ARMC3: variants seen among roughly 807,000 people sequenced by gnomAD.
ARMC3 encodes armadillo repeat-containing protein 3.
ARMC3 carries 74 observed loss-of-function variants against 90.3 expected under a neutral mutation model. The observed-to-expected ratio is 0.82, with a 90% CI of 0.68 to 0.99. ARMC3 has a LOEUF of 0.99. Among genes scored for constraint, ARMC3 ranks in the 50% least tolerant of loss-of-function variants. The probability of loss-of-function intolerance (pLI) is 0.00; values close to 1 mark genes in which losing one functional copy is unlikely to be tolerated. For synonymous variants in ARMC3, 334 were observed against 361.8 expected (o/e 0.92, Z 0.87); for missense variants, 958 against 1,042.8 (o/e 0.92, Z 1.12).
rs756978143 is a variant in ARMC3 at position 23,030,695 on chromosome 10, G to T, written c.2145G>T (p.Trp715Cys). 1.2e-6 allele frequency: 2 copies of T among 1,613,898 alleles called. No individual in the cohort carries two copies. Among genetic ancestry groups the T allele is most frequent in the Non-Finnish European group, 1.7e-6 (2 of 1,179,876 alleles). ...GTGAAGGAAGCTCTGACAAAGAATGGTGTCCTCCCTCTGACCCTGATTTCT... is the reference window on the plus strand; with the variant it reads ...GTGAAGGAAGCTCTGACAAAGAATGTTGTCCTCCCTCTGACCCTGATTTCT... ...FVGEGSSDKE[W>C]CPPSDPDFSM... Residue 715 changes from tryptophan (W) to cysteine (C), a missense_variant, in exon 17 of 19, where the codon TGG becomes TGT. Trp to Cys is a radical substitution (Grantham distance 215). Coordinates refer to ENST00000298032, the MANE Select transcript of ARMC3 (RefSeq NM_173081.5).
intron 13 of ARMC3, among the ~76,000 whole-genome samples, chr10:23,004,955 G>A (rs1837506821): frequency 6.6e-6 from 1 of 151,746 alleles, no homozygotes; most frequent in Non-Finnish European, 1.5e-5. Context: ...GGTGGCTCAC[G>A]CCTGTAATCC....
intron 8 of ARMC3, among the ~76,000 whole-genome samples, chr10:22,975,563 C>G (rs35373354): frequency 0.29 from 43,803 of 151,962 alleles, 7,291 homozygotes; most frequent in African/African-American, 0.45. Context: ...GAAAGTCCAT[C>G]TCAAAAAAAC....
intron 16 of ARMC3, among the ~76,000 whole-genome samples, chr10:23,023,618 A>T (rs79030831): frequency 0.15 from 22,534 of 152,240 alleles, 1,809 homozygotes; most frequent in African/African-American, 0.17. Context: ...AACTGAAAAA[A>T]TAGAAAATTT....
At chr10:23,015,549 C>G (rs1838235775) in intron 16 of ARMC3, among the ~76,000 whole-genome samples, 1 of 147,738 alleles carries the variant, frequency 6.8e-6, no homozygotes, top group African/African-American at 2.5e-5. Context: ...TTATTACACA[C>G]ATTTAAAAGT....
chr10:22,958,337 A>G (rs1835039107), intron 4 of ARMC3, among the ~76,000 whole-genome samples: 1 of 152,210 alleles, frequency 6.6e-6, no homozygotes, highest in African/African-American at 2.4e-5. Context: ...AGCAATCAAG[A>G]TGTATTAATT....
At chr10:22,986,108 A>ACCC (rs1836414109) in intron 10 of ARMC3, among the ~76,000 whole-genome samples, 1 of 110,836 alleles carries the variant, frequency 9.0e-6, no homozygotes, top group African/African-American at 3.5e-5. Flanking sequence ...CCTGCACTGC[A>ACCC]CGCCCCCCCC....
In ARMC3 at chr10:22,998,286, C is replaced by A; in HGVS notation, c.1314C>A (p.His438Gln). ...QEPLRLNIQNHDIMHAIISPL... is the reference protein window; with the variant it reads ...QEPLRLNIQNQDIMHAIISPL... Reference sequence around the variant, plus strand: ...CCCTGCGCCTGAACATACAGAATCACGACATCATGCATGCCATCATCAGCC... The same window carrying A: ...CCCTGCGCCTGAACATACAGAATCAAGACATCATGCATGCCATCATCAGCC... Residue 438 changes from histidine to glutamine, a missense_variant, in exon 11 of 19, where the codon CAC becomes CAA. By Grantham distance (24) the His-to-Gln change is conservative (BLOSUM62 0). Coordinates refer to ENST00000298032, the MANE Select transcript of ARMC3 (RefSeq NM_173081.5). The A allele has an allele frequency of 6.2e-7, 1 of 1,612,354 alleles. No individual in the cohort carries two copies.
chr10:22,955,518 T>G (rs1834896931), intron 3 of ARMC3: 1 of 241,704 alleles, frequency 4.1e-6, no homozygotes, highest in South Asian at 9.7e-5. Flanking sequence ...TAAGACAGAC[T>G]TGGATGTGGT....
chr10:22,987,160 T>G (rs536807093), intron 10 of ARMC3, among the ~76,000 whole-genome samples: 28 of 152,192 alleles, frequency 1.8e-4, no homozygotes, highest in Non-Finnish European at 3.8e-4. Context: ...AGAAAACCGT[T>G]TATTTTTGAC....
Position 23,036,596 on chromosome 10 carries a change from C to T in ARMC3, c.2410-674C>T, listed in dbSNP as rs146831948. Among the ~76,000 whole-genome samples the T allele has an allele frequency of 2.8e-4, 43 of 152,264 alleles. 1 individual carries two copies. The South Asian group carries it at 4.8e-3, about 17-fold the overall frequency. ...ATGCCAAGTCCCTTGCTGGGGTGCG[C>T]GGCTAGTCGGTCTCAGATCTGGGCT... is the stretch of plus-strand genomic sequence containing the variant. On this transcript the variant is annotated intron_variant, in intron 18 of 18. Coordinates refer to ENST00000298032, the MANE Select transcript of ARMC3 (RefSeq NM_173081.5).
intron 7 of ARMC3, among the ~76,000 whole-genome samples, chr10:22,965,747 C>T (rs866410534): frequency 7.9e-5 from 12 of 152,262 alleles, no homozygotes; most frequent in Admixed American, 7.2e-4. Context: ...CTTTTGATCT[C>T]TGTTCAATTT....
intron 7 of ARMC3, 48 bp downstream of exon 7, chr10:22,962,126 C>T: frequency 1.5e-6 from 2 of 1,335,508 alleles, no homozygotes; most frequent in Non-Finnish European, 2.0e-6. Context: ...TGTATCTCTC[C>T]CAAATGTTTA....
chr10:22,965,657 A>G (rs191131253), intron 7 of ARMC3, among the ~76,000 whole-genome samples: 4 of 152,050 alleles, frequency 2.6e-5, no homozygotes, highest in African/African-American at 9.7e-5. Flanking sequence ...ACCCAATTAC[A>G]TATATGTTAT....
intron 10 of ARMC3, among the ~76,000 whole-genome samples, chr10:22,996,716 G>A (rs1162898549): frequency 1.3e-5 from 2 of 152,136 alleles, no homozygotes; most frequent in Non-Finnish European, 2.9e-5. Flanking sequence ...TTTCAGAGCT[G>A]GTGCCCCAGT....
intron 11 of ARMC3, 60 bp from the exon 12 acceptor site, chr10:23,001,859 A>G: frequency 6.5e-7 from 1 of 1,535,418 alleles, no homozygotes; most frequent in Non-Finnish European, 8.8e-7. Context: ...GATTTTTTTA[A>G]AAGCACAAAT....
Position 22,959,594 on chromosome 10 carries a change from A to G in ARMC3, c.537+20A>G. The stretch of plus-strand genomic sequence containing the variant: ...GTGCAGGTAAGATTAATTTCTAAAA[A>G]GCGTTCTGATGAAAGCTCATTTTAG... On this transcript the variant is annotated intron_variant, in intron 6 of 18. Transcript: ENST00000298032. 1 of 1,566,210 alleles carries G rather than the reference A, an allele frequency of 6.4e-7. No individual in the cohort carries two copies.
chr10:22,946,930 T>C (rs1041493320), intron 3 of ARMC3, among the ~76,000 whole-genome samples: 11 of 152,208 alleles, frequency 7.2e-5, no homozygotes, highest in African/African-American at 2.4e-4. Context: ...GAGGCCAAGG[T>C]GGGTGGATCA....
At chr10:22,984,606 A>G (rs1250324274) in intron 10 of ARMC3, among the ~76,000 whole-genome samples, 2 of 152,184 alleles carry the variant, frequency 1.3e-5, no homozygotes, top group Non-Finnish European at 1.5e-5. Context: ...ATAATAAAAT[A>G]GTATGATGAT....
At chr10:22,991,364 T>G (rs533468230) in intron 10 of ARMC3, among the ~76,000 whole-genome samples, 1 of 152,342 alleles carries the variant, frequency 6.6e-6, no homozygotes, top group East Asian at 1.9e-4. Flanking sequence ...GGGGGCCGGA[T>G]GTGATCCGTC....
Sources: allele counts gnomAD v4.1 joint callset (sites outside exome capture counted in the v4.1 genomes callset), GRCh38; gene constraint gnomAD v4.1.1; transcripts MANE v1.5; gene names NCBI Gene and HGNC (gene_info 2026-07-23, HGNC 2026-07-21).